The following ADD2 variants were observed in gnomAD, a reference collection of about 807,000 sequenced individuals.
The protein encoded by ADD2 is adducin 2.
ADD2 carries 23 observed loss-of-function variants against 83.0 expected under a neutral mutation model. The ratio of observed to expected loss-of-function variants is 0.28; its 90% CI spans 0.20 to 0.39. The LOEUF is 0.39. Among genes scored for constraint, ADD2 ranks in the 10% least tolerant of loss-of-function variants. The pLI is 1.00. For synonymous variants in ADD2, 375 were observed against 375.4 expected (o/e 1.00, Z 0.01); for missense variants, 758 against 944.9 (o/e 0.80, Z 2.59).
chr2:70,744,826 C>G (rs756663063), intron 1 of ADD2, among the ~76,000 whole-genome samples: 1 of 151,920 alleles, frequency 6.6e-6, no homozygotes, highest in Admixed American at 6.6e-5. Context: ...TGGGGAAGAC[C>G]GGGCTTGGAA....
chr2:70,678,792 C>T lies in ADD2; in HGVS notation c.1295G>A (p.Arg432His), dbSNP rs370808317. ...HAQKQQKEKT[R>H]WLNTPNTYLR... ...GTAGGTGTTGGGCGTATTGAGCCAG[C>T]GGGTCTTCTCCTTCTGCTGCTTCTG... The change falls in exon 11 of 16, where the codon CGC becomes CAC. Residue 432 changes from arginine to histidine, a missense_variant. Physicochemically the swap from Arg to His is conservative, Grantham distance 29 (BLOSUM62 0). This residue lies in a region of ADD2 where 394 missense variants were observed against 509.3 expected (regional missense o/e 0.77). Transcript: ENST00000264436. The T allele has an allele frequency of 1.2e-5, 20 of 1,613,708 alleles. No individual in the cohort carries two copies. Among genetic ancestry groups the T allele is most frequent in the Middle Eastern group, 1.6e-4 (1 of 6,084 alleles).
rs1025518178 is a variant in ADD2 at position 70,767,955 on chromosome 2, G to A, written c.-223C>T. 246 of 1,535,672 alleles carry A rather than the reference G, an allele frequency of 1.6e-4. No individual in the cohort carries two copies. The highest frequency in any genetic ancestry group is 2.0e-4 in the Non-Finnish European group (233 of 1,146,750). On this transcript the variant is annotated 5_prime_UTR_variant, in exon 1 of 16. Coordinates refer to ENST00000264436, the MANE Select transcript of ADD2 (RefSeq NM_001617.4). ...TGGTTTTGTTATTTTATGGGTTTGG[G>A]GGGTGGGGTGCGCTTAAAAAATCCA...
intron 10 of ADD2, among the ~76,000 whole-genome samples, chr2:70,682,433 G>A (rs1278418211): frequency 3.9e-5 from 6 of 152,070 alleles, no homozygotes; most frequent in South Asian, 2.1e-4. Flanking sequence ...ATTATAAAGC[G>A]GCCCTCATGG....
In ADD2 at chr2:70,706,136, A is replaced by G. The variant is rs1277190555; in HGVS notation, c.183+90T>C. 5.8e-6 allele frequency: 8 copies of G among 1,384,474 alleles called. No homozygotes were observed. In the Admixed American group the frequency reaches 1.3e-4, roughly 23 times the overall value. 85.8% of individuals were successfully genotyped at this position (1,384,474 alleles called of 1,614,324 possible). On this transcript the variant is annotated intron_variant, in intron 3 of 15. Coordinates refer to ENST00000264436, the MANE Select transcript of ADD2 (RefSeq NM_001617.4). This position sits in a 1 kb window ranked among gnomAD's most constrained non-coding sequence, Gnocchi z 5.0. ...CATTTCTACTGACCCTGAGCAAGGG[A>G]AAGAGGAGTTACTCATCTTTCGGGT...
rs531944114 is a variant in ADD2, at chr2:70,730,104, C to T, written c.-153-16920G>A. Among the ~76,000 whole-genome samples, 5 of 152,260 alleles carry T rather than the reference C, an allele frequency of 3.3e-5. No individual in the cohort carries two copies. In the South Asian group the frequency reaches 1.0e-3, roughly 32 times the overall value. ...AACACTTCATGATTTCTCAAGAGTC[C>T]CACAGGCAATAGTTACCATTTGTAA... On this transcript the variant is annotated intron_variant, in intron 1 of 15. Transcript: ENST00000264436.
rs1553370867 is a variant in ADD2 at position 70,688,140 on chromosome 2, G to C, written c.850-18C>G. ...ACCAGGATCTGTAGAGAAATAAATA[G>C]TCAATTAAAACCTTAAGTCCTCTAA... On this transcript the variant is annotated intron_variant, in intron 8 of 15. Transcript: ENST00000264436. The C allele has an allele frequency of 6.2e-7, 1 of 1,602,502 alleles. No individual in the cohort carries two copies.
At chr2:70,728,300 G>A (rs1553378678) in intron 1 of ADD2, among the ~76,000 whole-genome samples, 1 of 152,180 alleles carries the variant, frequency 6.6e-6, no homozygotes, top group Non-Finnish European at 1.5e-5. Context: ...GCCAGGATCT[G>A]GGCCGGGCTC....
At chr2:70,761,618 G>A in intron 1 of ADD2, among the ~76,000 whole-genome samples, 1 of 146,368 alleles carries the variant, frequency 6.8e-6, no homozygotes, top group Admixed American at 6.8e-5. Context: ...AAGGAAGGAA[G>A]GAAGGAATTA....
intron 1 of ADD2, among the ~76,000 whole-genome samples, chr2:70,759,085 C>T (rs1447625930): frequency 1.3e-5 from 2 of 152,118 alleles, no homozygotes; most frequent in African/African-American, 4.8e-5. Context: ...TGATAGAAGC[C>T]ACAGGGATTT....
At chr2:70,743,219 A>G (rs1674013598) in intron 1 of ADD2, among the ~76,000 whole-genome samples, 1 of 152,222 alleles carries the variant, frequency 6.6e-6, no homozygotes, top group African/African-American at 2.4e-5. Flanking sequence ...CATGAGGAAT[A>G]GGGCATGGCT....
At chr2:70,702,952 C>T (rs550367085) in intron 4 of ADD2, among the ~76,000 whole-genome samples, 33 of 151,884 alleles carry the variant, frequency 2.2e-4, no homozygotes, top group Non-Finnish European at 3.8e-4. Flanking sequence ...CATGGTGAAA[C>T]CCTGTCTCCA....
chr2:70,725,938 A>G (rs1672971044), intron 1 of ADD2, among the ~76,000 whole-genome samples: 1 of 152,078 alleles, frequency 6.6e-6, no homozygotes, highest in Admixed American at 6.5e-5. Context: ...TTAAGAATGT[A>G]TTGTCTTGGG....
chr2:70,676,992 T>G lies in ADD2; in HGVS notation c.1504-107A>C. On this transcript the variant is annotated intron_variant, in intron 12 of 15. Transcript: ENST00000264436. The surrounding 1 kb of genome is among the most constrained non-coding windows in gnomAD (Gnocchi z 4.8). Reference sequence around the variant, plus strand: ...GGGGTCTAGAAAGGTCCTCTAGCGGTGTGGGAGCCCGTCACCTATCCTAAT... The same window carrying G: ...GGGGTCTAGAAAGGTCCTCTAGCGGGGTGGGAGCCCGTCACCTATCCTAAT... 9.7e-5 allele frequency: 145 copies of G among 1,490,352 alleles called. No homozygotes were observed. The highest frequency in any genetic ancestry group is 1.2e-4 in the Non-Finnish European group (135 of 1,115,790). 92.3% of individuals were successfully genotyped at this position (1,490,352 alleles called of 1,614,324 possible). A position where few individuals can be genotyped will look rare whatever the true frequency, so the allele number is the denominator to read the frequency against.
intron 1 of ADD2, 92 bp from the exon 2 acceptor site, chr2:70,713,276 A>T: frequency 2.0e-6 from 1 of 495,578 alleles, no homozygotes; most frequent in Non-Finnish European, 2.6e-6. Context: ...CCTTAAAATG[A>T]ACTTGAAATG....
At position 70,727,434 on chromosome 2, in the gene ADD2, T is replaced by C. The variant is rs141944708; in HGVS notation, c.-153-14250A>G. Among the ~76,000 whole-genome samples, 584 of 152,204 alleles carry C rather than the reference T, an allele frequency of 3.8e-3. 6 individuals are homozygous for C. Among genetic ancestry groups the C allele is most frequent in the African/African-American group, 0.013 (542 of 41,526 alleles). ...CTCTCCTGGGCTCCAGTGCCTCCCA[T>C]TCACCACTAAACTGCCTTCTTTTCC... On this transcript the variant is annotated intron_variant, in intron 1 of 15. Transcript: ENST00000264436.
intron 4 of ADD2, 58 bp downstream of exon 4, chr2:70,704,263 T>TGGGCCCCCCCCCCCCCCCCCCCCCCCC: frequency 5.5e-6 from 5 of 913,236 alleles, no homozygotes; most frequent in African/African-American, 1.7e-5. Flanking sequence ...CTCCCTCTCT[T>TGGGCCCCCCCCCCCCCCCCCCCCCCCC]CCCCACCCCA....
rs532670875 is a variant in ADD2 at position 70,740,074 on chromosome 2, C to A, written c.-153-26890G>T. ...TAAAATAATTAGATCAATAAATATGCACCAGGAAAAAATAAACAAACTATG... is the reference window on the plus strand; with the variant it reads ...TAAAATAATTAGATCAATAAATATGAACCAGGAAAAAATAAACAAACTATG... On this transcript the variant is annotated intron_variant, in intron 1 of 15. Coordinates refer to ENST00000264436, the MANE Select transcript of ADD2 (RefSeq NM_001617.4). Among the ~76,000 whole-genome samples, 29 of 151,990 alleles carry A rather than the reference C, an allele frequency of 1.9e-4. No individual in the cohort carries two copies. The South Asian group carries it at 5.2e-3, about 27-fold the overall frequency.
At chr2:70,741,226 G>C (rs1673885234) in intron 1 of ADD2, 1 of 152,228 alleles carries the variant, frequency 6.6e-6, no homozygotes, top group Non-Finnish European at 1.5e-5. Context: ...GTAGCTTATA[G>C]AAAGAAACAG....
intron 13 of ADD2, 186 bp from the exon 14 acceptor site, chr2:70,675,011 C>T (rs761571199): frequency 1.9e-5 from 26 of 1,341,346 alleles, no homozygotes; most frequent in Non-Finnish European, 2.3e-5. Context: ...GCTACCTTAC[C>T]CCTAGATTTT....
Sources: allele counts gnomAD v4.1 joint callset (sites outside exome capture counted in the v4.1 genomes callset), GRCh38; gene constraint gnomAD v4.1.1; regional missense constraint gnomAD v4.1.1; non-coding constraint Gnocchi (gnomAD v3.1); transcripts MANE v1.5; gene names NCBI Gene and HGNC (gene_info 2026-07-23, HGNC 2026-07-21).